The following BNC2 variants were observed in gnomAD, a reference collection of about 807,000 sequenced individuals.
The protein encoded by BNC2 is basonuclin zinc finger protein 2.
A neutral mutation model predicts 76.3 loss-of-function variants in BNC2; 20 were observed. That is an observed-to-expected ratio of 0.26 (90% CI 0.18 to 0.38). The LOEUF is 0.38. Ranked by LOEUF, BNC2 falls within the 10% of genes least tolerant of loss-of-function variation. The pLI is 1.00. For synonymous variants in BNC2, 582 were observed against 514.8 expected (o/e 1.13, Z -1.77); for missense variants, 1,382 against 1,399.8 (o/e 0.99, Z 0.20).
At chr9:16,758,173 T>C (rs369811299) in intron 1 of BNC2, among the ~76,000 whole-genome samples, 17 of 150,726 alleles carry the variant, frequency 1.1e-4, no homozygotes, top group African/African-American at 4.1e-4. Flanking sequence ...AAGCCAGCAA[T>C]GTTAGAGCTC....
At chr9:16,634,741 T>C (rs1016092165) in intron 3 of BNC2, among the ~76,000 whole-genome samples, 2 of 152,136 alleles carry the variant, frequency 1.3e-5, no homozygotes, top group Admixed American at 6.5e-5. Flanking sequence ...GACCTTGTGA[T>C]CTACCCGCCT....
intron 5 of BNC2, among the ~76,000 whole-genome samples, chr9:16,502,215 T>A (rs1291124321): frequency 1.3e-5 from 2 of 151,940 alleles, no homozygotes; most frequent in Non-Finnish European, 2.9e-5. Context: ...ATAAGAAAAA[T>A]TAGCCAGACG....
chr9:16,759,198 A>AG (rs1825479930), intron 1 of BNC2, among the ~76,000 whole-genome samples: 1 of 152,244 alleles, frequency 6.6e-6, no homozygotes, highest in African/African-American at 2.4e-5. Flanking sequence ...ATGATTTCAT[A>AG]CAAAAAATCG....
At chr9:16,573,920 A>G (rs1819407916) in intron 4 of BNC2, among the ~76,000 whole-genome samples, 1 of 152,246 alleles carries the variant, frequency 6.6e-6, no homozygotes, top group African/African-American at 2.4e-5. Flanking sequence ...GGGCTCCCAG[A>G]ATACAATTCA....
intron 5 of BNC2, among the ~76,000 whole-genome samples, chr9:16,476,920 GT>G (rs1821940182): frequency 1.3e-5 from 2 of 152,148 alleles, no homozygotes; most frequent in Admixed American, 6.5e-5. Context: ...TGTGTCTGTG[GT>G]AGGGAAAGAA....
intron 5 of BNC2, among the ~76,000 whole-genome samples, chr9:16,456,687 T>G (rs546028845): frequency 6.6e-6 from 1 of 152,296 alleles, no homozygotes; most frequent in South Asian, 2.1e-4. Context: ...GCTTCTTTCT[T>G]GTCCTGATAA....
intron 1 of BNC2, among the ~76,000 whole-genome samples, chr9:16,864,677 T>C (rs1001619683): frequency 1.3e-5 from 2 of 152,154 alleles, no homozygotes; most frequent in Non-Finnish European, 2.9e-5. Flanking sequence ...CACATGTCCT[T>C]GACATGCACA....
chr9:16,611,149 T>C (rs573953871), intron 3 of BNC2, among the ~76,000 whole-genome samples: 1 of 152,282 alleles, frequency 6.6e-6, no homozygotes, highest in South Asian at 2.1e-4. Context: ...ATATGTACAA[T>C]ATGTCTGTGG....
intron 3 of BNC2, among the ~76,000 whole-genome samples, chr9:16,649,916 A>C (rs1281007884): frequency 6.6e-6 from 1 of 152,176 alleles, no homozygotes; most frequent in Non-Finnish European, 1.5e-5. Context: ...GCCTTCATAA[A>C]TCTTCTGTAA....
At chr9:16,847,301 A>AT (rs1241477056) in intron 1 of BNC2, among the ~76,000 whole-genome samples, 6 of 149,026 alleles carry the variant, frequency 4.0e-5, no homozygotes, top group Admixed American at 1.4e-4. Flanking sequence ...GTGTGCGTTT[A>AT]TTTTTTTTAT....
At chr9:16,470,239 C>T (rs575122507) in intron 5 of BNC2, among the ~76,000 whole-genome samples, 4 of 152,026 alleles carry the variant, frequency 2.6e-5, no homozygotes, top group African/African-American at 4.8e-5. Context: ...CCTCATGATC[C>T]GCCCACCTCG....
chr9:16,759,164 T>A (rs1825478485), intron 1 of BNC2, among the ~76,000 whole-genome samples: 1 of 152,174 alleles, frequency 6.6e-6, no homozygotes. Flanking sequence ...GGCTATAATC[T>A]CACACTTCTA....
intron 3 of BNC2, among the ~76,000 whole-genome samples, chr9:16,696,325 A>G (rs967981557): frequency 1.3e-5 from 2 of 152,204 alleles, no homozygotes; most frequent in Non-Finnish European, 2.9e-5. Context: ...AATGCTTGAT[A>G]GACACTCTAA....
intron 5 of BNC2, among the ~76,000 whole-genome samples, chr9:16,502,761 G>A (rs1822547405): frequency 6.6e-6 from 1 of 152,156 alleles, no homozygotes; most frequent in African/African-American, 2.4e-5. Flanking sequence ...CATTTCAAAA[G>A]ATTGTATCAA....
chr9:16,657,969 T>G (rs1821978831), intron 3 of BNC2, among the ~76,000 whole-genome samples: 1 of 152,116 alleles, frequency 6.6e-6, no homozygotes, highest in Admixed American at 6.5e-5. Flanking sequence ...ATATATGTAA[T>G]AATACACTTT....
chr9:16,659,362 C>G (rs541662462), intron 3 of BNC2, among the ~76,000 whole-genome samples: 1 of 152,114 alleles, frequency 6.6e-6, no homozygotes, highest in Non-Finnish European at 1.5e-5. Flanking sequence ...GTAATCACAG[C>G]ACTTTGGGGG....
At chr9:16,793,339 C>A (rs1004645231) in intron 1 of BNC2, among the ~76,000 whole-genome samples, 3 of 152,116 alleles carry the variant, frequency 2.0e-5, no homozygotes, top group African/African-American at 7.2e-5. Context: ...TTAATATAAA[C>A]CATACAAACC....
intron 1 of BNC2, among the ~76,000 whole-genome samples, chr9:16,811,087 G>A (rs1005541233): frequency 3.3e-5 from 5 of 151,952 alleles, no homozygotes; most frequent in Middle Eastern, 3.4e-3. Flanking sequence ...GCATGGTGGC[G>A]GGCGCCTGTA....
At chr9:16,687,812 C>G (rs1211835547) in intron 3 of BNC2, among the ~76,000 whole-genome samples, 2 of 152,062 alleles carry the variant, frequency 1.3e-5, no homozygotes, top group Admixed American at 1.3e-4. Context: ...TAAACATTCT[C>G]AAGAGGGAAG....
Sources: allele counts gnomAD v4.1 joint callset (sites outside exome capture counted in the v4.1 genomes callset), GRCh38; gene constraint gnomAD v4.1.1; transcripts MANE v1.5; gene names NCBI Gene and HGNC (gene_info 2026-07-23, HGNC 2026-07-21).